RANBP10: variants seen among roughly 807,000 people sequenced by gnomAD.
RANBP10 encodes RAN binding protein 10, also known as ran-binding protein 10.
A neutral mutation model predicts 72.8 loss-of-function variants in RANBP10; 24 were observed. The observed-to-expected ratio is 0.33, with a 90% CI of 0.24 to 0.46. RANBP10 has a LOEUF of 0.46. Ranked by LOEUF, RANBP10 falls within the 20% of genes least tolerant of loss-of-function variation. The probability of loss-of-function intolerance (pLI) is 1.00; values close to 1 mark genes in which losing one functional copy is unlikely to be tolerated. For synonymous variants in RANBP10, 310 were observed against 322.3 expected (o/e 0.96, Z 0.41); for missense variants, 679 against 817.5 (o/e 0.83, Z 2.07).
At chr16:67,744,765 T>G (rs543778412) in intron 3 of RANBP10, among the ~76,000 whole-genome samples, 9 of 152,336 alleles carry the variant, frequency 5.9e-5, no homozygotes, top group African/African-American at 2.2e-4. Context: ...GGAAGCCTTG[T>G]GAAGGAGTGG....
intron 4 of RANBP10, among the ~76,000 whole-genome samples, chr16:67,741,104 AAG>A (rs142031154): frequency 0.047 from 7,136 of 152,276 alleles, 474 homozygotes; most frequent in African/African-American, 0.15. Flanking sequence ...ATCTGAAAAA[AAG>A]AGATAATATC....
chr16:67,770,832 A>C (rs1034024615), intron 3 of RANBP10, among the ~76,000 whole-genome samples: 2 of 152,178 alleles, frequency 1.3e-5, no homozygotes, highest in Admixed American at 6.5e-5. Context: ...CAGCCACTTG[A>C]GGGGCTGAGG....
chr16:67,731,728 G>T, intron 6 of RANBP10, 144 bp from the exon 7 acceptor site: 1 of 620,102 alleles, frequency 1.6e-6, no homozygotes, highest in Non-Finnish European at 2.8e-6. Context: ...AGAATAAAGG[G>T]GCTGAAACAA....
At chr16:67,777,927 AG>A (rs1567704891) in intron 2 of RANBP10, among the ~76,000 whole-genome samples, 1 of 152,264 alleles carries the variant, frequency 6.6e-6, no homozygotes, top group Non-Finnish European at 1.5e-5. Context: ...GGAATAGAAT[AG>A]AGATCCCAGA....
At chr16:67,744,101 C>G (rs2054021726) in intron 4 of RANBP10, 187 bp downstream of exon 4, 1 of 985,328 alleles carries the variant, frequency 1.0e-6, no homozygotes. Context: ...ACGCAGCTGA[C>G]TGGCTGGATG....
Position 67,806,238 on chromosome 16 carries a change from C to T in RANBP10, c.235+64G>A, listed in dbSNP as rs2055427209. The T allele has an allele frequency of 6.2e-6, 9 of 1,452,412 alleles. No individual in the cohort carries two copies. In the South Asian group the frequency reaches 1.2e-4, roughly 19 times the overall value. 90.0% of individuals were successfully genotyped at this position (1,452,412 alleles called of 1,614,324 possible). Reference sequence around the variant, plus strand: ...GAAAGGGAGGTGATAGGGCGGGGGCCTGGCAGCAGAGCCACCCCACGGACG... The same window carrying T: ...GAAAGGGAGGTGATAGGGCGGGGGCTTGGCAGCAGAGCCACCCCACGGACG... On this transcript the variant is annotated intron_variant, in intron 1 of 13. Coordinates refer to ENST00000317506, the MANE Select transcript of RANBP10 (RefSeq NM_020850.3).
rs2053598068 is a variant in RANBP10 at position 67,726,327 on chromosome 16, T to A, written c.*101A>T. 6.5e-7 allele frequency: 1 copy of A among 1,545,258 alleles called. No homozygotes were observed. Among genetic ancestry groups the A allele is most frequent in the Non-Finnish European group, 8.8e-7 (1 of 1,137,344 alleles). ...GGCCAGGCAGGAGGAGTGGACTCTG[T>A]CTATGGTTTCCCAGTCCCTGCACCA... On this transcript the variant is annotated 3_prime_UTR_variant, in exon 14 of 14. Transcript: ENST00000317506.
At chr16:67,804,926 C>T (rs565895225) in intron 2 of RANBP10, among the ~76,000 whole-genome samples, 118 of 152,254 alleles carry the variant, frequency 7.8e-4, no homozygotes, top group East Asian at 3.9e-4. Context: ...AGCAAGGTCA[C>T]CTGATTCTGA....
chr16:67,787,902 G>A (rs948630324), intron 2 of RANBP10, among the ~76,000 whole-genome samples: 8 of 152,080 alleles, frequency 5.3e-5, no homozygotes, highest in Admixed American at 3.3e-4. Flanking sequence ...GCAGTGGTGC[G>A]ATCTTGGCTC....
chr16:67,725,822 AAAAT>A lies in RANBP10; in HGVS notation c.*602_*605del, dbSNP rs1456537967. The A allele has an allele frequency of 6.6e-6, 1 of 152,606 alleles. No individual in the cohort carries two copies. Among genetic ancestry groups the A allele is most frequent in the African/African-American group, 2.4e-5 (1 of 41,444 alleles). 9.5% of individuals were successfully genotyped at this position (152,606 alleles called of 1,614,324 possible). A position where few individuals can be genotyped will look rare whatever the true frequency, so the allele number is the denominator to read the frequency against. On this transcript the variant is annotated 3_prime_UTR_variant, in exon 14 of 14. Transcript: ENST00000317506. ...CTGTGACTCAAAAAAGGGGGAGCAAAAAATAAATCACTTGGCTGAGGTGACAGAG... is the reference window on the plus strand; with the variant it reads ...CTGTGACTCAAAAAAGGGGGAGCAAAAAATCACTTGGCTGAGGTGACAGAG...
intron 4 of RANBP10, chr16:67,744,026 C>T (rs1428050887): frequency 1.1e-6 from 1 of 935,280 alleles, no homozygotes; most frequent in Non-Finnish European, 1.3e-6. Context: ...CCAACAAGTG[C>T]CACCAAAGCC....
intron 3 of RANBP10, among the ~76,000 whole-genome samples, chr16:67,745,654 T>C (rs746191947): frequency 6.6e-6 from 1 of 152,148 alleles, no homozygotes; most frequent in Non-Finnish European, 1.5e-5. Flanking sequence ...TTTTAAACTG[T>C]ACACTTCAAA....
intron 2 of RANBP10, among the ~76,000 whole-genome samples, chr16:67,775,578 T>C (rs1027945354): frequency 2.6e-5 from 4 of 151,720 alleles, no homozygotes; most frequent in African/African-American, 9.7e-5. Flanking sequence ...TTTGGGAGGC[T>C]GAAGCAGGAA....
At chr16:67,784,283 A>T (rs915331271) in intron 2 of RANBP10, among the ~76,000 whole-genome samples, 1 of 152,176 alleles carries the variant, frequency 6.6e-6, no homozygotes, top group East Asian at 1.9e-4. Flanking sequence ...GTATTTTGGG[A>T]GCCCAAGGCG....
At position 67,773,692 on chromosome 16, in the gene RANBP10, T is replaced by C. The variant is rs1299373098; in HGVS notation, c.348-1606A>G. ...GCCCTGATAACGTGGCCCACATGGC[T>C]TAGGGAAAAAGGTAGAGAAGGGAAA... On this transcript the variant is annotated intron_variant, in intron 2 of 13. Coordinates refer to ENST00000317506, the MANE Select transcript of RANBP10 (RefSeq NM_020850.3). Among the ~76,000 whole-genome samples, 3 of 152,004 alleles carry C rather than the reference T, an allele frequency of 2.0e-5. No homozygotes were observed. The East Asian group carries it at 5.8e-4, about 29-fold the overall frequency.
At chr16:67,806,153 AGC>A in intron 1 of RANBP10, 147 bp downstream of exon 1, 1 of 760,674 alleles carries the variant, frequency 1.3e-6, no homozygotes. Flanking sequence ...CGGCCTGTTC[AGC>A]CTCACCACCC....
chr16:67,741,302 G>T (rs1446188472), intron 4 of RANBP10, among the ~76,000 whole-genome samples: 1 of 152,118 alleles, frequency 6.6e-6, no homozygotes, highest in African/African-American at 2.4e-5. Context: ...ACCCAGGAAG[G>T]ATAAGGCCTT....
chr16:67,752,966 G>A (rs1350300478), intron 3 of RANBP10, among the ~76,000 whole-genome samples: 1 of 152,176 alleles, frequency 6.6e-6, no homozygotes, highest in Non-Finnish European at 1.5e-5. Context: ...TGGGCTGGGT[G>A]CAGTGGCTCA....
chr16:67,743,016 C>T (rs539538361), intron 4 of RANBP10, among the ~76,000 whole-genome samples: 28 of 152,216 alleles, frequency 1.8e-4, no homozygotes, highest in Admixed American at 3.9e-4. Flanking sequence ...GCTATGTTCT[C>T]GGCTGCCTAG....
Sources: gnomAD v4.1 joint callset for allele counts (sites outside exome capture counted in the v4.1 genomes callset) on GRCh38, gnomAD v4.1.1 for gene constraint, MANE v1.5 for transcripts, NCBI Gene and HGNC (gene_info 2026-07-23, HGNC 2026-07-21) for gene names.